The following IL6ST variants were observed in gnomAD, a reference collection of about 807,000 sequenced individuals.
IL6ST encodes interleukin 6 cytokine family signal transducer.
In IL6ST, 24 loss-of-function variants were observed where a neutral mutation model predicts 91.3. The observed-to-expected ratio is 0.26, with a 90% CI of 0.19 to 0.37. The LOEUF is 0.37. IL6ST is among the 10% of genes least tolerant of loss of function. The pLI is 1.00. For synonymous variants in IL6ST, 351 were observed against 373.6 expected (o/e 0.94, Z 0.70); for missense variants, 914 against 1,078.5 (o/e 0.85, Z 2.14).
At chr5:55,945,769 G>T (rs1043128662) in intron 15 of IL6ST, among the ~76,000 whole-genome samples, 33 of 136,182 alleles carry the variant, frequency 2.4e-4, no homozygotes, top group Admixed American at 1.7e-3. Flanking sequence ...TCCTGCCTCA[G>T]CCTCCCGAGT....
Position 55,939,349 on chromosome 5 carries a change from A to G in IL6ST, c.*1733T>C, listed in dbSNP as rs760050884. The G allele has an allele frequency of 4.5e-5, 9 of 201,042 alleles. No individual in the cohort carries two copies. Among genetic ancestry groups the G allele is most frequent in the Non-Finnish European group, 9.2e-5 (9 of 97,904 alleles). The allele number at this position is 201,042 out of a possible 1,614,324, so 12.5% of individuals were successfully genotyped here. ...CTGAATATATCAGAATGAAACATCTATTTTTTTCATAAAGAAGATCATATA... is the reference window on the plus strand; with the variant it reads ...CTGAATATATCAGAATGAAACATCTGTTTTTTTCATAAAGAAGATCATATA... On this transcript the variant is annotated 3_prime_UTR_variant, in exon 17 of 17. Coordinates refer to ENST00000381298, the MANE Select transcript of IL6ST (RefSeq NM_002184.4).
intron 3 of IL6ST, among the ~76,000 whole-genome samples, chr5:55,974,037 C>G (rs942499754): frequency 1.3e-5 from 2 of 152,104 alleles, no homozygotes; most frequent in African/African-American, 2.4e-5. Flanking sequence ...AAGAGTAACT[C>G]ATGTAAAAAC....
intron 2 of IL6ST, among the ~76,000 whole-genome samples, chr5:55,981,366 C>T (rs1034637847): frequency 2.6e-5 from 4 of 151,978 alleles, no homozygotes; most frequent in African/African-American, 9.7e-5. Flanking sequence ...GAATTATGGC[C>T]GGGTGCGGTG....
intron 12 of IL6ST, 81 bp from the exon 13 acceptor site, chr5:55,952,156 A>G (rs766463642): frequency 1.6e-5 from 24 of 1,488,368 alleles, no homozygotes; most frequent in Non-Finnish European, 2.1e-5. Context: ...TCATTTGAAC[A>G]TAATGAGATA....
intron 1 of IL6ST, among the ~76,000 whole-genome samples, chr5:55,984,335 A>G (rs1442718862): frequency 6.6e-6 from 1 of 152,192 alleles, no homozygotes; most frequent in African/African-American, 2.4e-5. Context: ...CCCCCAAAAA[A>G]TATGTTGAAG....
At chr5:55,942,484 A>T (rs539725715) in intron 16 of IL6ST, among the ~76,000 whole-genome samples, 186 bp downstream of exon 16, 1 of 152,342 alleles carries the variant, frequency 6.6e-6, no homozygotes, top group Non-Finnish European at 1.5e-5. Flanking sequence ...TATGTCATAC[A>T]TATTAAATTT....
rs961747376 is a variant in IL6ST, at chr5:55,956,044, G to A, written c.1248C>T (p.Ile416=). 1 of 1,612,522 alleles carries A rather than the reference G, an allele frequency of 6.2e-7. No homozygotes were observed. Among genetic ancestry groups the A allele is most frequent in the South Asian group, 1.1e-5 (1 of 91,032 alleles). The part of the protein sequence containing the change: ...VGKSDAAVLT[I]PACDFQATHP... ...ACAAACCTTGAAAGTCACAGGCAGG[G>A]ATAGTTAAAACAGCTGCATCTGATT... The change falls in exon 10 of 17, where the codon ATC becomes ATT. Residue 416 remains isoleucine, a synonymous_variant. Coordinates refer to ENST00000381298, the MANE Select transcript of IL6ST (RefSeq NM_002184.4).
Position 55,941,252 on chromosome 5 carries a change from C to T in IL6ST, c.2587G>A (p.Gly863Arg), listed in dbSNP as rs767630003. The change falls in exon 17 of 17, where the codon GGG becomes AGG. Residue 863 changes from glycine to arginine, a missense_variant. Gly to Arg is a moderately radical substitution (Grantham distance 125). Transcript: ENST00000381298. ...ACTTCCTGAAACATTTTCATTTGCC[C>T]AGATCCACAGGATTGTGAAATATGA... ...SDHISQSCGSGQMKMFQEVSA... is the reference protein window; with the variant it reads ...SDHISQSCGSRQMKMFQEVSA... 1 of 1,614,148 alleles carries T rather than the reference C, an allele frequency of 6.2e-7. No homozygotes were observed. The highest frequency in any genetic ancestry group is 2.2e-5 in the East Asian group (1 of 44,890).
At chr5:55,993,749 A>G (rs1580882935) in intron 1 of IL6ST, among the ~76,000 whole-genome samples, 2 of 152,194 alleles carry the variant, frequency 1.3e-5, no homozygotes, top group East Asian at 3.8e-4. Context: ...TATAAATGTA[A>G]TATTTCAGTT....
At position 55,940,778 on chromosome 5, in the gene IL6ST, C is replaced by A. The variant is rs1750853064; in HGVS notation, c.*304G>T. ...CAAATACCTTCTGTTTTCTATGTAGCAAAACAAAAAGTTTTATAAATTTCA... is the reference window on the plus strand; with the variant it reads ...CAAATACCTTCTGTTTTCTATGTAGAAAAACAAAAAGTTTTATAAATTTCA... On this transcript the variant is annotated 3_prime_UTR_variant, in exon 17 of 17. Transcript: ENST00000381298. 3.0e-6 allele frequency: 1 copy of A among 336,936 alleles called. No individual in the cohort carries two copies. The highest frequency in any genetic ancestry group is 2.1e-5 in the African/African-American group (1 of 47,586). 20.9% of individuals were successfully genotyped at this position (336,936 alleles called of 1,614,324 possible). A position where few individuals can be genotyped will look rare whatever the true frequency, so the allele number is the denominator to read the frequency against.
chr5:55,952,118 A>G, intron 12 of IL6ST, 43 bp from the exon 13 acceptor site: 1 of 1,570,428 alleles, frequency 6.4e-7, no homozygotes, highest in Non-Finnish European at 8.7e-7. Context: ...AATCATTTAC[A>G]ATCTAGTAAA....
chr5:55,952,358 C>T lies in IL6ST; in HGVS notation c.1451-7G>A, dbSNP rs1291339460. ...TTGCTCTCTGCTAAGTTCCCTAAAG[C>T]AAGAATAGCAGATTAAGCATGTTTT... On this transcript the variant is annotated splice_region_variant and splice_polypyrimidine_tract_variant and intron_variant, in intron 11 of 16. Coordinates refer to ENST00000381298, the MANE Select transcript of IL6ST (RefSeq NM_002184.4). 1.4e-6 allele frequency: 2 copies of T among 1,465,532 alleles called. No homozygotes were observed. The highest frequency in any genetic ancestry group is 1.9e-6 in the Non-Finnish European group (2 of 1,056,622). 90.8% of individuals were successfully genotyped at this position (1,465,532 alleles called of 1,614,324 possible).
rs1750757763 is a variant in IL6ST, at chr5:55,939,642, C to T, written c.*1440G>A. 1.5e-5 allele frequency: 3 copies of T among 205,698 alleles called. No individual in the cohort carries two copies. Among genetic ancestry groups the T allele is most frequent in the Admixed American group, 5.9e-5 (1 of 16,844 alleles). 12.7% of individuals were successfully genotyped at this position (205,698 alleles called of 1,614,324 possible). On this transcript the variant is annotated 3_prime_UTR_variant, in exon 17 of 17. Transcript: ENST00000381298. Reference sequence around the variant, plus strand: ...TAGCAGTAGTCAATCACTAATAACGCTTGCTAATTTCCTCTTACTTTCTAA... The same window carrying T: ...TAGCAGTAGTCAATCACTAATAACGTTTGCTAATTTCCTCTTACTTTCTAA...
chr5:55,942,994 G>T (rs1035533048), intron 15 of IL6ST, among the ~76,000 whole-genome samples: 1 of 151,996 alleles, frequency 6.6e-6, no homozygotes, highest in African/African-American at 2.4e-5. Context: ...TCTAATCAGT[G>T]TTCAAATTTT....
rs750176665 is a variant in IL6ST at position 55,941,140 on chromosome 5, C to T, written c.2699G>A (p.Gly900Asp). ...CTGTGGTAAGTAACTTTTAGGCATG[C>T]CTTCATCAGTCGCAGCCTCCATGCC... ...TVGMEAATDE[G>D]MPKSYLPQTV... Residue 900 changes from glycine to aspartate, a missense_variant, in exon 17 of 17, where the codon GGC (glycine) becomes GAC (aspartate). Gly to Asp is a moderately conservative substitution (Grantham distance 94, BLOSUM62 -1). Coordinates refer to ENST00000381298, the MANE Select transcript of IL6ST (RefSeq NM_002184.4). 6.2e-7 allele frequency: 1 copy of T among 1,613,968 alleles called. No individual in the cohort carries two copies. The highest frequency in any genetic ancestry group is 1.3e-5 in the African/African-American group (1 of 75,028).
At chr5:55,991,380 T>C (rs940359903) in intron 1 of IL6ST, among the ~76,000 whole-genome samples, 2 of 152,228 alleles carry the variant, frequency 1.3e-5, no homozygotes, top group Non-Finnish European at 2.9e-5. Context: ...TTCTCTCATC[T>C]ATGCAGTACA....
intron 15 of IL6ST, among the ~76,000 whole-genome samples, chr5:55,945,295 C>T (rs939723706): frequency 3.3e-5 from 5 of 151,906 alleles, no homozygotes; most frequent in African/African-American, 1.2e-4. Context: ...GGCATAAGAA[C>T]GGACATATAT....
Position 55,947,662 on chromosome 5 carries a change from T to C in IL6ST, c.1841-73A>G. ...TGTTGACATATGAACTAAGAAGACATAATACAACTTCCCAACCAGACTTAC... is the reference window on the plus strand; with the variant it reads ...TGTTGACATATGAACTAAGAAGACACAATACAACTTCCCAACCAGACTTAC... On this transcript the variant is annotated intron_variant, in intron 14 of 16. Coordinates refer to ENST00000381298, the MANE Select transcript of IL6ST (RefSeq NM_002184.4). 4 of 796,692 alleles carry C rather than the reference T, an allele frequency of 5.0e-6. No homozygotes were observed. In the East Asian group the frequency reaches 8.3e-5, roughly 16 times the overall value. 49.4% of individuals were successfully genotyped at this position (796,692 alleles called of 1,614,324 possible). A position where few individuals can be genotyped will look rare whatever the true frequency, so the allele number is the denominator to read the frequency against.
intron 15 of IL6ST, among the ~76,000 whole-genome samples, chr5:55,944,448 TATA>T (rs1214737977): frequency 2.2e-4 from 33 of 152,362 alleles, no homozygotes; most frequent in Middle Eastern, 3.4e-3. Flanking sequence ...ACATTTCATT[TATA>T]ATAACAAAAA....
Sources: allele counts gnomAD v4.1 joint callset (sites outside exome capture counted in the v4.1 genomes callset), GRCh38; gene constraint gnomAD v4.1.1; transcripts MANE v1.5; gene names NCBI Gene and HGNC (gene_info 2026-07-23, HGNC 2026-07-21).